The following BANP variants were observed in gnomAD, a reference collection of about 807,000 sequenced individuals.
BANP encodes the protein BTG3 associated nuclear protein, also known as protein BANP.
In BANP, 11 loss-of-function variants were observed where a neutral mutation model predicts 68.1. That is an observed-to-expected ratio of 0.16 (90% CI 0.10 to 0.27). BANP has a LOEUF of 0.27. Among genes scored for constraint, BANP ranks in the 10% least tolerant of loss-of-function variants. The pLI, the probability that BANP is intolerant of heterozygous loss-of-function variation, is 1.00. For missense variants in BANP, 504 were observed against 722.7 expected (o/e 0.70, Z 3.47); for synonymous variants, 329 against 303.2 (o/e 1.09, Z -0.88).
chr16:88,020,513 GT>G (rs1422029574), intron 7 of BANP, among the ~76,000 whole-genome samples: 1 of 152,274 alleles, frequency 6.6e-6, no homozygotes, highest in Non-Finnish European at 1.5e-5. Flanking sequence ...AGAGCGTGCG[GT>G]CAGGTAGATA....
chr16:88,006,820 C>T (rs1213957329), intron 6 of BANP, among the ~76,000 whole-genome samples: 9 of 151,760 alleles, frequency 5.9e-5, no homozygotes, highest in East Asian at 3.9e-4. Context: ...GGCACGGTGA[C>T]AGGTGCCTGT....
Position 88,018,277 on chromosome 16 carries a change from G to C in BANP, c.656-151G>C, listed in dbSNP as rs1421128782. ...TTGGGCAGCAGTCGGAGGCTCCAGC[G>C]CTCTTGGTGACTGCCTCACAAGTTA... On this transcript the variant is annotated intron_variant, in intron 6 of 13. Transcript: ENST00000682872. The surrounding 1 kb of genome is among the most constrained non-coding windows in gnomAD (Gnocchi z 7.7). The C allele has an allele frequency of 2.0e-6, 2 of 980,054 alleles. No individual in the cohort carries two copies. The allele number at this position is 980,054 out of a possible 1,614,324, so 60.7% of individuals were successfully genotyped here.
At chr16:88,007,316 C>T (rs1008555365) in intron 6 of BANP, among the ~76,000 whole-genome samples, 2 of 152,190 alleles carry the variant, frequency 1.3e-5, no homozygotes, top group Non-Finnish European at 2.9e-5. Context: ...GCAGCTTCCA[C>T]GGGTTCCATG....
At chr16:88,025,097 G>T in intron 7 of BANP, among the ~76,000 whole-genome samples, 1 of 152,190 alleles carries the variant, frequency 6.6e-6, no homozygotes, top group Non-Finnish European at 1.5e-5. Flanking sequence ...ATCGACTCGT[G>T]CTCCAAAGAT....
intron 4 of BANP, among the ~76,000 whole-genome samples, chr16:87,985,276 C>T (rs1189741464): frequency 2.0e-5 from 3 of 152,164 alleles, no homozygotes; most frequent in East Asian, 1.9e-4. Flanking sequence ...GCTACCCGGC[C>T]GTCTTCCGAG....
intron 1 of BANP, among the ~76,000 whole-genome samples, chr16:87,954,020 G>A (rs765670723): frequency 2.6e-5 from 4 of 152,092 alleles, no homozygotes; most frequent in Non-Finnish European, 4.4e-5. Flanking sequence ...GGATTCCTAC[G>A]CCGGGGACTC....
At chr16:87,995,824 G>C (rs775010700) in intron 4 of BANP, among the ~76,000 whole-genome samples, 1 of 152,236 alleles carries the variant, frequency 6.6e-6, no homozygotes, top group Non-Finnish European at 1.5e-5. Flanking sequence ...GGGCTCGGCG[G>C]GGCGCCAAGG....
chr16:87,969,907 G>A (rs2060803573), intron 1 of BANP: 1 of 109,588 alleles, frequency 9.1e-6, no homozygotes, highest in Admixed American at 1.1e-4. Context: ...AGGTTGATTG[G>A]TCTTTTTTTT....
At chr16:87,981,443 C>G (rs1204052940) in intron 3 of BANP, among the ~76,000 whole-genome samples, 1 of 152,176 alleles carries the variant, frequency 6.6e-6, no homozygotes, top group Non-Finnish European at 1.5e-5. Context: ...CTAGTAAGGA[C>G]TTGTCATTGG....
chr16:88,027,265 G>C (rs1173469466), intron 7 of BANP, among the ~76,000 whole-genome samples: 1 of 152,052 alleles, frequency 6.6e-6, no homozygotes, highest in African/African-American at 2.4e-5. Context: ...TGACACCTTA[G>C]TGAGCATTTA....
chr16:88,044,537 T>C (rs2081522634), intron 11 of BANP, among the ~76,000 whole-genome samples: 1 of 152,252 alleles, frequency 6.6e-6, no homozygotes, highest in Non-Finnish European at 1.5e-5. Flanking sequence ...ACACATTGCA[T>C]TGATTTTGCA....
chr16:87,956,218 AACTC>A (rs2058029831), intron 1 of BANP, among the ~76,000 whole-genome samples: 1 of 152,238 alleles, frequency 6.6e-6, no homozygotes, highest in East Asian at 1.9e-4. Context: ...AAATGACTGT[AACTC>A]ACAGCACCAG....
intron 13 of BANP, among the ~76,000 whole-genome samples, chr16:88,073,671 G>A (rs28399183): frequency 0.22 from 33,590 of 151,956 alleles, 3,893 homozygotes; most frequent in South Asian, 0.28. Context: ...TGCCGAGGAC[G>A]CGTGGCAGCC....
intron 1 of BANP, among the ~76,000 whole-genome samples, chr16:87,968,668 C>T (rs2060559342): frequency 6.6e-6 from 1 of 152,008 alleles, no homozygotes; most frequent in Non-Finnish European, 1.5e-5. Context: ...AAGTTTCATG[C>T]TAGTTGCGCC....
chr16:88,069,500 C>T (rs889764601), intron 12 of BANP, among the ~76,000 whole-genome samples: 7 of 152,180 alleles, frequency 4.6e-5, no homozygotes, highest in African/African-American at 1.4e-4. Flanking sequence ...TGGAGGGAGC[C>T]GGAGGGTAAT....
chr16:88,031,648 CAA>C (rs1230300944), intron 8 of BANP, among the ~76,000 whole-genome samples: 25 of 109,376 alleles, frequency 2.3e-4, no homozygotes, highest in Non-Finnish European at 2.4e-4. Context: ...GACTCTCTCT[CAA>C]AAAAAAAAAA....
intron 12 of BANP, among the ~76,000 whole-genome samples, chr16:88,069,152 C>T (rs901205088): frequency 2.0e-5 from 3 of 152,162 alleles, no homozygotes; most frequent in Non-Finnish European, 2.9e-5. Context: ...GCTGTCGCTG[C>T]GGGACCTCGG....
intron 8 of BANP, among the ~76,000 whole-genome samples, chr16:88,029,393 A>C (rs1252934963): frequency 6.7e-6 from 1 of 150,052 alleles, no homozygotes; most frequent in Non-Finnish European, 1.5e-5. Flanking sequence ...GCAGATCATG[A>C]GGTCAGGAGA....
chr16:87,991,603 T>C (rs1315595288), intron 4 of BANP, among the ~76,000 whole-genome samples: 1 of 152,260 alleles, frequency 6.6e-6, no homozygotes, highest in Non-Finnish European at 1.5e-5. Context: ...GTTCAGCTTC[T>C]GTGCATATTT....
Sources: gnomAD v4.1 joint callset for allele counts (sites outside exome capture counted in the v4.1 genomes callset) on GRCh38, gnomAD v4.1.1 for gene constraint, Gnocchi (gnomAD v3.1) non-coding constraint, MANE v1.5 for transcripts, NCBI Gene and HGNC (gene_info 2026-07-23, HGNC 2026-07-21) for gene names.